The following DEPDC1B variants were observed in gnomAD, a reference collection of about 807,000 sequenced individuals.
The protein encoded by DEPDC1B is DEP domain containing 1B, also known as DEP domain-containing protein 1B.
A neutral mutation model predicts 66.5 loss-of-function variants in DEPDC1B; 51 were observed. That is an observed-to-expected ratio of 0.77 (90% CI 0.61 to 0.97). DEPDC1B has a LOEUF of 0.97. Ranked by LOEUF, DEPDC1B falls within the 50% of genes least tolerant of loss-of-function variation. The pLI, the probability that DEPDC1B is intolerant of heterozygous loss-of-function variation, is 0.00. For synonymous variants in DEPDC1B, 226 were observed against 223.6 expected, an observed-to-expected ratio of 1.01 and a Z score of -0.10; for missense variants, 552 against 637.1, an observed-to-expected ratio of 0.87 and a Z score of 1.44.
At chr5:60,600,101 C>T (rs72755142) in intron 9 of DEPDC1B, among the ~76,000 whole-genome samples, 4,585 of 152,264 alleles carry the variant, frequency 0.03, 85 homozygotes, top group Admixed American at 0.059. Flanking sequence ...ACTATCCAGG[C>T]GCATTCCCAC....
At chr5:60,696,617 T>G (rs1233510130) in intron 1 of DEPDC1B, among the ~76,000 whole-genome samples, 1 of 152,094 alleles carries the variant, frequency 6.6e-6, no homozygotes, top group African/African-American at 2.4e-5. Context: ...GAGCTTGAGT[T>G]TTTTTTTCAT....
At chr5:60,624,908 C>T (rs546359312) in intron 7 of DEPDC1B, among the ~76,000 whole-genome samples, 20 of 151,398 alleles carry the variant, frequency 1.3e-4, no homozygotes, top group Non-Finnish European at 2.4e-4. Flanking sequence ...CCCGACCCCC[C>T]ACACAGGCCC....
At chr5:60,614,859 C>T (rs1427366714) in intron 7 of DEPDC1B, among the ~76,000 whole-genome samples, 1 of 152,080 alleles carries the variant, frequency 6.6e-6, no homozygotes, top group Non-Finnish European at 1.5e-5. Context: ...GGCATGGTGG[C>T]ACATGCCTGT....
chr5:60,639,588 C>G (rs1440857827), intron 6 of DEPDC1B, among the ~76,000 whole-genome samples: 1 of 152,300 alleles, frequency 6.6e-6, no homozygotes, highest in East Asian at 1.9e-4. Context: ...ACAGCCTGCT[C>G]CCAACCATAT....
intron 2 of DEPDC1B, among the ~76,000 whole-genome samples, chr5:60,664,341 T>C (rs1753789133): frequency 6.6e-6 from 1 of 152,164 alleles, no homozygotes; most frequent in African/African-American, 2.4e-5. Context: ...CTAAAGCAGT[T>C]AAAATGATAC....
intron 2 of DEPDC1B, among the ~76,000 whole-genome samples, chr5:60,684,259 T>G (rs1213034369): frequency 1.3e-5 from 2 of 152,160 alleles, no homozygotes; most frequent in Non-Finnish European, 2.9e-5. Context: ...TCCTGAAATT[T>G]GTATGTATCC....
Position 60,597,300 on chromosome 5 carries a change from GCTA to G in DEPDC1B, c.*450_*452del, listed in dbSNP as rs1321643813. The G allele has an allele frequency of 6.5e-6, 1 of 152,930 alleles. No individual in the cohort carries two copies. The highest frequency in any genetic ancestry group is 1.9e-4 in the East Asian group (1 of 5,208). 9.5% of individuals were successfully genotyped at this position (152,930 alleles called of 1,614,324 possible). Reference sequence around the variant, plus strand: ...ATTTATACAGGAGAAATGATAATTGGCTACTAAGTCAATAGCATCACAGTAACA... The same window carrying G: ...ATTTATACAGGAGAAATGATAATTGGCTAAGTCAATAGCATCACAGTAACA... On this transcript the variant is annotated 3_prime_UTR_variant, in exon 11 of 11. Coordinates refer to ENST00000265036, the MANE Select transcript of DEPDC1B (RefSeq NM_018369.3).
chr5:60,599,105 GGA>G lies in DEPDC1B; in HGVS notation c.1396_1397del (p.Ser466GlnfsTer17). ...LEEVITDAKL[S>X]NKEKKKKLKQ... is the part of the protein sequence containing the mutation. The stretch of plus-strand genomic sequence containing the variant: ...TCAGTTTCTTCTTTTTCTCTTTGTT[GGA>G]GAGTTTGGCATCTGTTATGACTTCC... On this transcript the variant is annotated frameshift_variant, in exon 10 of 11. Transcript: ENST00000265036. LOFTEE classifies it high-confidence loss of function. The G allele has an allele frequency of 1.2e-6, 2 of 1,602,378 alleles. No individual in the cohort carries two copies. The highest frequency in any genetic ancestry group is 2.3e-5 in the South Asian group (2 of 88,188).
chr5:60,600,277 G>T (rs1241744674), intron 9 of DEPDC1B, among the ~76,000 whole-genome samples: 2 of 152,038 alleles, frequency 1.3e-5, no homozygotes, highest in Non-Finnish European at 2.9e-5. Flanking sequence ...GGAGAAGAGA[G>T]AAATAAGAGG....
intron 2 of DEPDC1B, among the ~76,000 whole-genome samples, chr5:60,648,979 G>T (rs1422946557): frequency 6.6e-6 from 1 of 152,092 alleles, no homozygotes; most frequent in African/African-American, 2.4e-5. Flanking sequence ...TCACATACAG[G>T]TAGGATATTG....
At chr5:60,666,616 A>G (rs539858434) in intron 2 of DEPDC1B, among the ~76,000 whole-genome samples, 1 of 152,156 alleles carries the variant, frequency 6.6e-6, no homozygotes, top group East Asian at 1.9e-4. Context: ...CTGTGATGTG[A>G]TCTGTCTTCA....
intron 2 of DEPDC1B, among the ~76,000 whole-genome samples, chr5:60,672,926 T>C (rs772094184): frequency 3.3e-5 from 5 of 152,196 alleles, no homozygotes; most frequent in Non-Finnish European, 7.3e-5. Flanking sequence ...AGGGTGATTA[T>C]TGTTTAACTC....
intron 9 of DEPDC1B, among the ~76,000 whole-genome samples, chr5:60,603,024 T>G (rs1187634710): frequency 6.6e-6 from 1 of 152,194 alleles, no homozygotes; most frequent in Non-Finnish European, 1.5e-5. Flanking sequence ...CTTTGTGCCT[T>G]AGCTTTTTCA....
chr5:60,626,779 G>C (rs370973582), intron 7 of DEPDC1B, among the ~76,000 whole-genome samples: 30 of 152,030 alleles, frequency 2.0e-4, no homozygotes, highest in African/African-American at 7.0e-4. Flanking sequence ...CAATGGTTTA[G>C]GGAATACTGA....
chr5:60,634,675 A>AAAATAAATAAATAAAT lies in DEPDC1B; in HGVS notation c.898+4059_898+4074dup, dbSNP rs57970296. ...CAACACAGTGAGACTCTGTCTCAAA[A>AAAATAAATAAATAAAT]AAATAAATAAATAAATAAATAAATA... is the stretch of plus-strand genomic sequence containing the variant. On this transcript the variant is annotated intron_variant, in intron 7 of 10. Transcript: ENST00000265036. Among the ~76,000 whole-genome samples, 821 of 146,534 alleles carry AAAATAAATAAATAAAT rather than the reference A, an allele frequency of 5.6e-3. 12 individuals are homozygous for AAAATAAATAAATAAAT. Among genetic ancestry groups the AAAATAAATAAATAAAT allele is most frequent in the African/African-American group, 0.019 (765 of 39,602 alleles).
intron 7 of DEPDC1B, among the ~76,000 whole-genome samples, chr5:60,608,873 C>A (rs554568759): frequency 5.3e-5 from 8 of 152,144 alleles, no homozygotes; most frequent in African/African-American, 1.9e-4. Context: ...TTTTGGGAGG[C>A]CAAGATGGAA....
chr5:60,638,703 A>G, intron 7 of DEPDC1B, 47 bp downstream of exon 7: 1 of 1,531,172 alleles, frequency 6.5e-7, no homozygotes, highest in Non-Finnish European at 8.8e-7. Context: ...AAATGAAACG[A>G]TTCAATATCA....
chr5:60,680,822 T>C (rs529861136), intron 2 of DEPDC1B, among the ~76,000 whole-genome samples: 1 of 152,356 alleles, frequency 6.6e-6, no homozygotes, highest in South Asian at 2.1e-4. Flanking sequence ...TTATTCTGTG[T>C]GTTTACTCTT....
intron 2 of DEPDC1B, among the ~76,000 whole-genome samples, chr5:60,663,506 G>A (rs573811513): frequency 6.6e-6 from 1 of 152,304 alleles, no homozygotes; most frequent in Non-Finnish European, 1.5e-5. Context: ...AAAGCAGAGT[G>A]GTTTACAGTC....
Sources: allele counts gnomAD v4.1 joint callset (sites outside exome capture counted in the v4.1 genomes callset), GRCh38; gene constraint gnomAD v4.1.1; transcripts MANE v1.5; gene names NCBI Gene and HGNC (gene_info 2026-07-23, HGNC 2026-07-21).